The following SPEF2 variants were observed in gnomAD, a reference collection of about 807,000 sequenced individuals.
SPEF2 encodes sperm flagellar and cilia associated 2, also known as sperm flagella and cilia-associated protein 2.
A neutral mutation model predicts 224.6 loss-of-function variants in SPEF2; 187 were observed. The ratio of observed to expected loss-of-function variants is 0.83; its 90% CI spans 0.74 to 0.94. SPEF2 has a LOEUF of 0.94. SPEF2 is among the 40% of genes least tolerant of loss of function. The probability of loss-of-function intolerance (pLI) is 0.00; values close to 1 mark genes in which losing one functional copy is unlikely to be tolerated. For synonymous variants in SPEF2, 715 were observed against 707.3 expected (o/e 1.01, Z -0.17); for missense variants, 2,170 against 2,135.6 (o/e 1.02, Z -0.32).
chr5:35,750,159 G>T (rs1479617926), intron 23 of SPEF2, among the ~76,000 whole-genome samples: 1 of 152,074 alleles, frequency 6.6e-6, no homozygotes, highest in African/African-American at 2.4e-5. Context: ...ACTTGTAGAG[G>T]AATGAAACTG....
intron 32 of SPEF2, among the ~76,000 whole-genome samples, chr5:35,794,471 C>G (rs924011580): frequency 6.6e-6 from 1 of 152,094 alleles, no homozygotes; most frequent in African/African-American, 2.4e-5. Flanking sequence ...TATGACAAGG[C>G]TCTTTCAGGG....
intron 36 of SPEF2, among the ~76,000 whole-genome samples, chr5:35,811,855 GC>G (rs1758556107): frequency 6.7e-6 from 1 of 148,586 alleles, no homozygotes; most frequent in African/African-American, 2.5e-5. Context: ...TGCAATCTTG[GC>G]TCACTGCAAG....
chr5:35,629,809 G>A (rs898426437), intron 2 of SPEF2, among the ~76,000 whole-genome samples: 1 of 152,130 alleles, frequency 6.6e-6, no homozygotes, highest in Non-Finnish European at 1.5e-5. Context: ...GTGACATTTT[G>A]TGACTGGCTT....
chr5:35,771,850 C>A, intron 27 of SPEF2, 94 bp downstream of exon 27: 1 of 1,417,142 alleles, frequency 7.1e-7, no homozygotes, highest in Non-Finnish European at 9.4e-7. Context: ...AGCCTCTAAG[C>A]CACTAAAATA....
At chr5:35,809,265 A>C (rs1758392493) in intron 36 of SPEF2, among the ~76,000 whole-genome samples, 2 of 152,210 alleles carry the variant, frequency 1.3e-5, no homozygotes, top group Non-Finnish European at 2.9e-5. Context: ...AATTGAGTAC[A>C]TAATTTGGTC....
chr5:35,648,675 G>C lies in SPEF2; in HGVS notation c.727-686G>C, dbSNP rs139255621. ...TTGTAAAACACAAAGATGACCTAAA[G>C]TTAAACTTCAGATAACTAATTAATA... is the stretch of plus-strand genomic sequence containing the variant. On this transcript the variant is annotated intron_variant, in intron 5 of 36. Transcript: ENST00000356031. Among the ~76,000 whole-genome samples, 423 of 152,212 alleles carry C rather than the reference G, an allele frequency of 2.8e-3. 2 individuals are homozygous for C. Among genetic ancestry groups the C allele is most frequent in the Non-Finnish European group, 5.0e-3 (342 of 67,986 alleles).
At chr5:35,661,266 AT>A (rs1749676351) in intron 8 of SPEF2, among the ~76,000 whole-genome samples, 2 of 21,504 alleles carry the variant, frequency 9.3e-5, no homozygotes, top group East Asian at 2.7e-3. Context: ...ATATATATAT[AT>A]ATATATATAT....
At position 35,807,230 on chromosome 5, in the gene SPEF2, A is replaced by G. The variant is rs1206982608; in HGVS notation, c.5356A>G (p.Asn1786Asp). 6.2e-7 allele frequency: 1 copy of G among 1,613,404 alleles called. No individual in the cohort carries two copies. Among genetic ancestry groups the G allele is most frequent in the Admixed American group, 1.7e-5 (1 of 59,822 alleles). Residue 1786 changes from asparagine to aspartate, a missense_variant, in exon 36 of 37, where the codon AAT becomes GAT. By Grantham distance (23) the Asn-to-Asp change is conservative (BLOSUM62 1). Transcript: ENST00000356031. ...KHPFIQDLISNYSDYKFPDIK... is the reference protein window; with the variant it reads ...KHPFIQDLISDYSDYKFPDIK... ...TCCTTTTATTCAAGACCTGATTTCAAATTATTCAGACTATAAGTTTCCTGT... is the reference window on the plus strand; with the variant it reads ...TCCTTTTATTCAAGACCTGATTTCAGATTATTCAGACTATAAGTTTCCTGT...
At chr5:35,765,239 G>C (rs1187831849) in intron 26 of SPEF2, among the ~76,000 whole-genome samples, 3 of 151,976 alleles carry the variant, frequency 2.0e-5, no homozygotes, top group African/African-American at 7.3e-5. Flanking sequence ...GTCTTATTTT[G>C]CTCAACTTTC....
At chr5:35,653,669 G>A (rs1034183690) in intron 6 of SPEF2, among the ~76,000 whole-genome samples, 20 of 152,138 alleles carry the variant, frequency 1.3e-4, no homozygotes, top group African/African-American at 4.8e-4. Context: ...AAGTAAGGCC[G>A]GGCGCAGTGA....
At chr5:35,807,801 A>G in intron 36 of SPEF2, 2 of 1,535,126 alleles carry the variant, frequency 1.3e-6, no homozygotes, top group Non-Finnish European at 1.7e-6. Flanking sequence ...AAATCACATA[A>G]CCACCAAGCA....
chr5:35,720,180 A>G (rs1488949689), intron 20 of SPEF2, among the ~76,000 whole-genome samples: 1 of 152,214 alleles, frequency 6.6e-6, no homozygotes, highest in Non-Finnish European at 1.5e-5. Context: ...ATTCTGGAGG[A>G]ACCAGGCAGA....
At chr5:35,808,029 T>C in intron 36 of SPEF2, 1 of 1,169,508 alleles carries the variant, frequency 8.6e-7, no homozygotes, top group Non-Finnish European at 1.1e-6. Flanking sequence ...AAAAGCGCTT[T>C]CACTTTGATA....
intron 1 of SPEF2, among the ~76,000 whole-genome samples, chr5:35,618,885 T>A (rs1743060485): frequency 6.6e-6 from 1 of 152,066 alleles, no homozygotes; most frequent in South Asian, 2.1e-4. Flanking sequence ...TTTTCTTTTT[T>A]TGCTTAAGGG....
At chr5:35,670,522 G>T in intron 10 of SPEF2, 1 of 1,033,806 alleles carries the variant, frequency 9.7e-7, no homozygotes, top group Non-Finnish European at 1.2e-6. Context: ...TTATTTATTA[G>T]CATTTTTCTT....
At chr5:35,651,734 C>G (rs1271254752) in intron 6 of SPEF2, among the ~76,000 whole-genome samples, 1 of 152,198 alleles carries the variant, frequency 6.6e-6, no homozygotes, top group East Asian at 1.9e-4. Flanking sequence ...CCAACTTGAA[C>G]CTCAGGAGCA....
intron 36 of SPEF2, among the ~76,000 whole-genome samples, chr5:35,811,767 C>CTTTTT (rs1203514196): frequency 0.012 from 1,430 of 115,360 alleles, 72 homozygotes; most frequent in African/African-American, 0.048. Context: ...TTTGCCATTA[C>CTTTTT]TTTTTTTTTT....
chr5:35,654,479 A>G (rs1306979503), intron 6 of SPEF2, 61 bp from the exon 7 acceptor site: 7 of 1,361,622 alleles, frequency 5.1e-6, no homozygotes, highest in Non-Finnish European at 6.9e-6. Context: ...CCATAGTCAC[A>G]GATAGTGGCA....
intron 1 of SPEF2, among the ~76,000 whole-genome samples, chr5:35,620,769 C>A (rs916258522): frequency 5.3e-5 from 8 of 152,062 alleles, no homozygotes; most frequent in African/African-American, 1.7e-4. Flanking sequence ...CAAGTAAAAA[C>A]CAAAAGTTAG....
Sources: allele counts gnomAD v4.1 joint callset (sites outside exome capture counted in the v4.1 genomes callset), GRCh38; gene constraint gnomAD v4.1.1; transcripts MANE v1.5; gene names NCBI Gene and HGNC (gene_info 2026-07-23, HGNC 2026-07-21).